CNTNAP5: variants seen among roughly 807,000 people sequenced by gnomAD.
CNTNAP5 encodes the protein contactin associated protein family member 5, also known as contactin-associated protein-like 5.
CNTNAP5 carries 72 observed loss-of-function variants against 150.2 expected under a neutral mutation model. That is an observed-to-expected ratio of 0.48 (90% CI 0.40 to 0.58). The LOEUF is 0.58. Among genes scored for constraint, CNTNAP5 ranks in the 20% least tolerant of loss-of-function variants. CNTNAP5 has a pLI of 0.00. For synonymous variants in CNTNAP5, 672 were observed against 619.8 expected (o/e 1.08, Z -1.25); for missense variants, 1,636 against 1,626.2 (o/e 1.01, Z -0.10).
chr2:124,457,362 C>G (rs1163676653), intron 6 of CNTNAP5, among the ~76,000 whole-genome samples: 2 of 152,196 alleles, frequency 1.3e-5, no homozygotes, highest in Admixed American at 1.3e-4. Flanking sequence ...AATAAACAGA[C>G]AACCCACAGA....
intron 19 of CNTNAP5, among the ~76,000 whole-genome samples, chr2:124,813,378 GTTT>G (rs111265761): frequency 7.0e-6 from 1 of 143,600 alleles, no homozygotes; most frequent in African/African-American, 2.5e-5. Context: ...TGCCTGGCCT[GTTT>G]TTTTTTTCTT....
chr2:124,646,825 G>C (rs528580067), intron 12 of CNTNAP5, among the ~76,000 whole-genome samples: 4 of 152,170 alleles, frequency 2.6e-5, no homozygotes, highest in Admixed American at 2.6e-4. Context: ...AAAGAGAAGG[G>C]GGCTGGGCAC....
intron 21 of CNTNAP5, among the ~76,000 whole-genome samples, chr2:124,875,446 G>T (rs1677834460): frequency 6.6e-6 from 1 of 151,962 alleles, no homozygotes; most frequent in Non-Finnish European, 1.5e-5. Context: ...GAGACAAATT[G>T]ACCCATGTTT....
intron 13 of CNTNAP5, among the ~76,000 whole-genome samples, chr2:124,678,231 T>TA (rs1678988633): frequency 6.6e-6 from 1 of 151,838 alleles, no homozygotes; most frequent in African/African-American, 2.4e-5. Flanking sequence ...GCATAGCAGT[T>TA]AAAACTGTAC....
chr2:124,085,843 A>G (rs1477843063), intron 1 of CNTNAP5, among the ~76,000 whole-genome samples: 2 of 152,172 alleles, frequency 1.3e-5, no homozygotes, highest in Admixed American at 1.3e-4. Flanking sequence ...GTGATATTCT[A>G]TTTCCGTCAA....
rs534394425 is a variant in CNTNAP5, at chr2:124,284,353, C to T, written c.381+41960C>T. Among the ~76,000 whole-genome samples, 4 of 152,220 alleles carry T rather than the reference C, an allele frequency of 2.6e-5. No homozygotes were observed. In the East Asian group the frequency reaches 7.7e-4, roughly 29 times the overall value. ...CCCCCAGATGTACTTTTTAGATGCT[C>T]AATCATGAGAAGAGTTGGGGTTTCC... On this transcript the variant is annotated intron_variant, in intron 3 of 23. Coordinates refer to ENST00000682447, the MANE Select transcript of CNTNAP5 (RefSeq NM_001367498.1).
At chr2:124,590,247 A>C (rs912728954) in intron 11 of CNTNAP5, among the ~76,000 whole-genome samples, 6 of 152,166 alleles carry the variant, frequency 3.9e-5, no homozygotes, top group African/African-American at 1.4e-4. Context: ...GCGAACTAAG[A>C]CAATCCTGTT....
At chr2:124,037,447 AG>A (rs747564778) in intron 1 of CNTNAP5, among the ~76,000 whole-genome samples, 2 of 152,258 alleles carry the variant, frequency 1.3e-5, no homozygotes, top group Non-Finnish European at 2.9e-5. Context: ...GTTCATTAGC[AG>A]ATTAATGGAT....
intron 3 of CNTNAP5, among the ~76,000 whole-genome samples, chr2:124,400,666 A>ATTG (rs1691387795): frequency 1.2e-5 from 1 of 80,530 alleles, no homozygotes; most frequent in African/African-American, 4.3e-5. Flanking sequence ...GGATAAAGGC[A>ATTG]TTGTTTTTTT....
At position 124,434,491 on chromosome 2, in the gene CNTNAP5, T is replaced by C. The variant is rs1425745; in HGVS notation, c.537T>C (p.Asp179=). 1,503,433 of 1,613,322 alleles carry C rather than the reference T, an allele frequency of 0.93. 704,240 individuals carry two copies. Among genetic ancestry groups the C allele is most frequent in the Non-Finnish European group, 0.96 (1,133,235 of 1,179,374 alleles). Residue 179 remains aspartate, a synonymous_variant, in exon 5 of 24, where the codon GAT becomes GAC. Transcript: ENST00000682447. ...VEVYGCSYKS[D]VADFDGRSSL... ...CTCCTTCTTTGTTCCCAGAATCAGA[T>C]GTTGCTGACTTTGATGGCCGAAGCT...
At chr2:124,391,497 C>G (rs1691108571) in intron 3 of CNTNAP5, among the ~76,000 whole-genome samples, 1 of 152,196 alleles carries the variant, frequency 6.6e-6, no homozygotes, top group African/African-American at 2.4e-5. Context: ...ATCGTCTTCT[C>G]TAAATTGCCA....
chr2:124,087,117 A>G lies in CNTNAP5; in HGVS notation c.82+61385A>G, dbSNP rs534683154. ...GCCCCTTTATCCTTCGCCTTTGGTC[A>G]TATAATTGTTTTAATTATTTCCTCT... On this transcript the variant is annotated intron_variant, in intron 1 of 23. Transcript: ENST00000682447. 3.3e-5 allele frequency among the ~76,000 whole-genome samples: 5 copies of G among 151,900 alleles called. No individual in the cohort carries two copies. The South Asian group carries it at 1.0e-3, about 31-fold the overall frequency.
At chr2:124,196,670 A>C (rs951333137) in intron 1 of CNTNAP5, among the ~76,000 whole-genome samples, 1 of 152,182 alleles carries the variant, frequency 6.6e-6, no homozygotes, top group African/African-American at 2.4e-5. Flanking sequence ...ACAGTCACAA[A>C]GCATTTTAAA....
chr2:124,405,036 G>A (rs1691534845), intron 3 of CNTNAP5, among the ~76,000 whole-genome samples: 1 of 152,002 alleles, frequency 6.6e-6, no homozygotes, highest in South Asian at 2.1e-4. Flanking sequence ...AAGGTTGTGG[G>A]GGTGGCGGGT....
intron 12 of CNTNAP5, among the ~76,000 whole-genome samples, chr2:124,633,512 C>G (rs13011609): frequency 1.3e-5 from 2 of 152,030 alleles, no homozygotes; most frequent in Non-Finnish European, 2.9e-5. Flanking sequence ...TCTGCCCCTC[C>G]GGCTTTGCAA....
chr2:124,434,459 T>C (rs758865671), intron 4 of CNTNAP5, 25 bp from the exon 5 acceptor site: 1 of 1,590,692 alleles, frequency 6.3e-7, no homozygotes, highest in Non-Finnish European at 8.6e-7. Context: ...CTAATTTTTC[T>C]TTCCCGCTCC....
chr2:124,907,376 T>C (rs1489172846), intron 22 of CNTNAP5, among the ~76,000 whole-genome samples: 2 of 151,770 alleles, frequency 1.3e-5, no homozygotes, highest in East Asian at 3.9e-4. Context: ...ATGTTAGCTC[T>C]CTCTCTATCT....
At chr2:124,902,806 A>T (rs1386426570) in intron 21 of CNTNAP5, 76 bp from the exon 22 acceptor site, 22 of 971,454 alleles carry the variant, frequency 2.3e-5, no homozygotes, top group Non-Finnish European at 2.9e-5. Flanking sequence ...TTTAGATACT[A>T]CTCAAAGAGG....
intron 7 of CNTNAP5, among the ~76,000 whole-genome samples, chr2:124,498,021 A>C (rs1694192737): frequency 6.6e-6 from 1 of 152,228 alleles, no homozygotes; most frequent in South Asian, 2.1e-4. Context: ...ATCAGTCATG[A>C]GATGATCATG....
Sources: allele counts gnomAD v4.1 joint callset (sites outside exome capture counted in the v4.1 genomes callset), GRCh38; gene constraint gnomAD v4.1.1; transcripts MANE v1.5; gene names NCBI Gene and HGNC (gene_info 2026-07-23, HGNC 2026-07-21).